The following XIRP2 variants were observed in gnomAD, a reference collection of about 807,000 sequenced individuals.
XIRP2 encodes the protein xin actin binding repeat containing 2, also known as xin actin-binding repeat-containing protein 2.
A neutral mutation model predicts 277.0 loss-of-function variants in XIRP2; 236 were observed. The ratio of observed to expected loss-of-function variants is 0.85; its 90% CI spans 0.77 to 0.95. XIRP2 has a LOEUF of 0.95. Ranked by LOEUF, XIRP2 falls within the 40% of genes least tolerant of loss-of-function variation. The probability of loss-of-function intolerance (pLI) is 0.00; values close to 1 mark genes in which losing one functional copy is unlikely to be tolerated. For missense variants in XIRP2, 4,640 were observed against 4,157.5 expected, an observed-to-expected ratio of 1.12 and a Z score of -3.19; for synonymous variants, 1,490 against 1,416.5, an observed-to-expected ratio of 1.05 and a Z score of -1.17.
intron 2 of XIRP2, among the ~76,000 whole-genome samples, chr2:166,937,666 A>T (rs1280569413): frequency 3.3e-5 from 5 of 152,190 alleles, no homozygotes; most frequent in Admixed American, 2.0e-4. Flanking sequence ...TTTCAGAAGG[A>T]ATCGTACCAG....
intron 2 of XIRP2, among the ~76,000 whole-genome samples, chr2:166,926,041 T>C (rs1685181366): frequency 6.6e-6 from 1 of 152,020 alleles, no homozygotes; most frequent in South Asian, 2.1e-4. Context: ...GCTACTGTAC[T>C]GCAGCCTCAG....
chr2:167,013,852 G>T (rs1262567696), intron 2 of XIRP2, among the ~76,000 whole-genome samples: 1 of 150,908 alleles, frequency 6.6e-6, no homozygotes, highest in Non-Finnish European at 1.5e-5. Context: ...TTTCTTTTGA[G>T]AATGCATTGG....
chr2:167,198,661 G>C (rs1177196107), intron 3 of XIRP2, among the ~76,000 whole-genome samples: 1 of 152,124 alleles, frequency 6.6e-6, no homozygotes, highest in African/African-American at 2.4e-5. Context: ...AGTTTTCAAG[G>C]TTTGAGATAC....
chr2:166,959,774 G>A (rs974006761), intron 2 of XIRP2, among the ~76,000 whole-genome samples: 8 of 151,674 alleles, frequency 5.3e-5, no homozygotes, highest in East Asian at 3.9e-4. Flanking sequence ...TGAAGAAAAC[G>A]AGTTTCAGAG....
intron 3 of XIRP2, among the ~76,000 whole-genome samples, chr2:167,180,085 T>C (rs1448891736): frequency 6.6e-6 from 1 of 152,240 alleles, no homozygotes; most frequent in African/African-American, 2.4e-5. Flanking sequence ...TTTCACTTAA[T>C]ATTCCACTGT....
chr2:167,167,793 T>C (rs561113131), intron 3 of XIRP2, among the ~76,000 whole-genome samples: 202 of 152,220 alleles, frequency 1.3e-3, no homozygotes, highest in Admixed American at 2.0e-3. Context: ...ATAAGAAAAA[T>C]AAAGATTTTT....
At chr2:167,186,075 TTTACTTGAAATGTAGCCAAAGAAC>T (rs1693144681) in intron 3 of XIRP2, among the ~76,000 whole-genome samples, 3 of 152,166 alleles carry the variant, frequency 2.0e-5, no homozygotes, top group Admixed American at 6.6e-5. Context: ...TGGAGACTGA[TTTACTTGAAATGTAGCCAAAGAAC>T]TGAATTTTTA....
At chr2:167,070,698 T>C (rs1689415752) in intron 2 of XIRP2, among the ~76,000 whole-genome samples, 1 of 152,180 alleles carries the variant, frequency 6.6e-6, no homozygotes. Context: ...AGGCAGACAA[T>C]ATGTCTGTTG....
At chr2:167,162,276 A>T (rs1404975747) in intron 3 of XIRP2, among the ~76,000 whole-genome samples, 2 of 152,214 alleles carry the variant, frequency 1.3e-5, no homozygotes, top group East Asian at 3.9e-4. Flanking sequence ...AGGTATCTAC[A>T]GCAGCACCCC....
chr2:167,092,536 A>G (rs1690178105), intron 2 of XIRP2, among the ~76,000 whole-genome samples: 1 of 152,116 alleles, frequency 6.6e-6, no homozygotes, highest in Non-Finnish European at 1.5e-5. Flanking sequence ...GTTAACTGTG[A>G]TGTGTCTTTG....
At chr2:166,948,180 A>G (rs1298329239) in intron 2 of XIRP2, among the ~76,000 whole-genome samples, 2 of 152,112 alleles carry the variant, frequency 1.3e-5, no homozygotes, top group Non-Finnish European at 2.9e-5. Flanking sequence ...AGAATGTACA[A>G]CAACATCAAG....
intron 2 of XIRP2, among the ~76,000 whole-genome samples, chr2:166,997,387 T>G (rs1380078861): frequency 6.6e-6 from 1 of 152,130 alleles, no homozygotes; most frequent in Non-Finnish European, 1.5e-5. Context: ...TCACATAACC[T>G]AAAACAGCTA....
At chr2:166,935,334 A>G (rs1447069353) in intron 2 of XIRP2, among the ~76,000 whole-genome samples, 5 of 152,252 alleles carry the variant, frequency 3.3e-5, no homozygotes, top group Non-Finnish European at 5.9e-5. Flanking sequence ...CTAATAGGCC[A>G]GTAGATAAAT....
In XIRP2 at chr2:167,245,952, T is replaced by C. The variant is rs1368163227; in HGVS notation, c.4560T>C (p.Ser1520=). Residue 1520 remains serine, a synonymous_variant, in exon 9 of 11, where the codon TCT becomes TCC. Transcript: ENST00000409195. ...TKMTKEEIPP[S]DVKTTTWLFE... ...TGACCAAGGAAGAAATCCCTCCTTC[T>C]GATGTCAAAACAACCACATGGCTCT... 1 of 1,613,748 alleles carries C rather than the reference T, an allele frequency of 6.2e-7. No homozygotes were observed. Among genetic ancestry groups the C allele is most frequent in the Non-Finnish European group, 8.5e-7 (1 of 1,179,784 alleles).
chr2:167,098,167 A>G (rs540339590), intron 2 of XIRP2, among the ~76,000 whole-genome samples: 1 of 152,294 alleles, frequency 6.6e-6, no homozygotes, highest in Non-Finnish European at 1.5e-5. Context: ...CATTCTTCCC[A>G]TCACTTTCAA....
chr2:167,187,276 C>G, intron 3 of XIRP2: 3 of 985,200 alleles, frequency 3.0e-6, no homozygotes, highest in Non-Finnish European at 3.6e-6. Flanking sequence ...TGACTCAGGC[C>G]CCACCTATAC....
chr2:167,028,727 C>G (rs1173133910), intron 2 of XIRP2, among the ~76,000 whole-genome samples: 5 of 151,332 alleles, frequency 3.3e-5, no homozygotes, highest in Non-Finnish European at 5.9e-5. Context: ...AAATAAGGCA[C>G]CAGTGACGAA....
chr2:167,025,023 G>A (rs1249558798), intron 2 of XIRP2, among the ~76,000 whole-genome samples: 1 of 152,052 alleles, frequency 6.6e-6, no homozygotes, highest in South Asian at 2.1e-4. Context: ...AGTTTCAGAA[G>A]GAATGGTACC....
At position 166,951,831 on chromosome 2, in the gene XIRP2, C is replaced by T. The variant is rs181920911; in HGVS notation, c.408+47941C>T. Reference sequence around the variant, plus strand: ...ACTGAAACACTTTTCATGCTCCTAACGAGCACATGCTTTGGAGAGCACAGA... The same window carrying T: ...ACTGAAACACTTTTCATGCTCCTAATGAGCACATGCTTTGGAGAGCACAGA... On this transcript the variant is annotated intron_variant, in intron 2 of 10. Coordinates refer to ENST00000409195, the MANE Select transcript of XIRP2 (RefSeq NM_152381.6). 2.6e-3 allele frequency among the ~76,000 whole-genome samples: 399 copies of T among 152,124 alleles called. 1 individual carries two copies. Among genetic ancestry groups the T allele is most frequent in the African/African-American group, 8.9e-3 (370 of 41,534 alleles).
Sources: gnomAD v4.1 joint callset for allele counts (sites outside exome capture counted in the v4.1 genomes callset) on GRCh38, gnomAD v4.1.1 for gene constraint, MANE v1.5 for transcripts, NCBI Gene and HGNC (gene_info 2026-07-23, HGNC 2026-07-21) for gene names.